EPC2: variants seen among roughly 807,000 people sequenced by gnomAD.
EPC2 encodes enhancer of polycomb homolog 2.
A neutral mutation model predicts 92.1 loss-of-function variants in EPC2; 14 were observed. The ratio of observed to expected loss-of-function variants is 0.15; its 90% CI spans 0.10 to 0.24. The LOEUF (loss-of-function observed/expected upper bound fraction) is 0.24, where lower values mean the gene tolerates loss of function less well. Ranked by LOEUF, EPC2 falls within the 10% of genes least tolerant of loss-of-function variation. The pLI is 1.00. For missense variants in EPC2, 755 were observed against 971.5 expected (o/e 0.78, Z 2.96); for synonymous variants, 340 against 334.7 (o/e 1.02, Z -0.17).
intron 2 of EPC2, among the ~76,000 whole-genome samples, chr2:148,703,498 T>C (rs1681929355): frequency 6.6e-6 from 1 of 151,882 alleles, no homozygotes; most frequent in African/African-American, 2.4e-5. Context: ...TCTTTGGGAG[T>C]GAGGCCTGAA....
chr2:148,667,692 A>C (rs762092270), intron 1 of EPC2, among the ~76,000 whole-genome samples: 1 of 152,164 alleles, frequency 6.6e-6, no homozygotes, highest in African/African-American at 2.4e-5. Context: ...ACAATATTGA[A>C]TAGAACAGTT....
In EPC2 at chr2:148,646,310, C is replaced by T. The variant is rs368048643; in HGVS notation, c.153+1140C>T. On this transcript the variant is annotated intron_variant, in intron 1 of 13. Transcript: ENST00000258484. ...ATGCCTTCGATTGGCTGGTTGAGTT[C>T]TGACCTCATTATGTTACCCTGTTAA... Among the ~76,000 whole-genome samples, 4 of 152,140 alleles carry T rather than the reference C, an allele frequency of 2.6e-5. No individual in the cohort carries two copies. The East Asian group carries it at 5.8e-4, about 22-fold the overall frequency.
At chr2:148,645,655 T>C (rs1683782760) in intron 1 of EPC2, 1 of 153,508 alleles carries the variant, frequency 6.5e-6, no homozygotes, top group Non-Finnish European at 1.5e-5. Flanking sequence ...CTCCCAGCAA[T>C]GTAATCATCC....
chr2:148,761,054 T>C (rs548810511), intron 4 of EPC2, among the ~76,000 whole-genome samples: 1 of 152,374 alleles, frequency 6.6e-6, no homozygotes, highest in East Asian at 1.9e-4. Context: ...AATAATTTTA[T>C]ATGCAAATAG....
At chr2:148,679,484 T>G (rs760955016) in intron 1 of EPC2, among the ~76,000 whole-genome samples, 1 of 152,112 alleles carries the variant, frequency 6.6e-6, no homozygotes, top group Admixed American at 6.5e-5. Context: ...CAAGGTGACA[T>G]TGTATATTTC....
chr2:148,644,956 TCCCCCCCTC>T lies in EPC2; in HGVS notation c.-58_-50del. The T allele has an allele frequency of 2.9e-6, 4 of 1,392,296 alleles. No homozygotes were observed. The highest frequency in any genetic ancestry group is 5.1e-5 in the East Asian group (2 of 39,398). 86.2% of individuals were successfully genotyped at this position (1,392,296 alleles called of 1,614,324 possible). A position where few individuals can be genotyped will look rare whatever the true frequency, so the allele number is the denominator to read the frequency against. ...GAGGTGGAGGAGGCGGCGGGAGTCC[TCCCCCCCTC>T]CCCGCCCGCCCCGCCGCCGCCGCCC... On this transcript the variant is annotated 5_prime_UTR_variant, in exon 1 of 14. Transcript: ENST00000258484.
intron 10 of EPC2, among the ~76,000 whole-genome samples, chr2:148,772,727 G>T (rs1683550984): frequency 1.3e-5 from 2 of 152,278 alleles, no homozygotes; most frequent in East Asian, 3.9e-4. Context: ...TTGAAAGAGT[G>T]CTTGAAGCTG....
chr2:148,717,996 T>C (rs113819485), intron 2 of EPC2, among the ~76,000 whole-genome samples: 178 of 152,354 alleles, frequency 1.2e-3, no homozygotes, highest in African/African-American at 4.0e-3. Context: ...CATTATGTCA[T>C]GCCCTTCGTT....
chr2:148,697,091 C>T (rs968422551), intron 2 of EPC2, among the ~76,000 whole-genome samples: 10 of 152,170 alleles, frequency 6.6e-5, no homozygotes, highest in African/African-American at 2.2e-4. Context: ...GTATTTCTCC[C>T]ATTTTAAACC....
chr2:148,647,079 C>T (rs1683818795), intron 1 of EPC2, among the ~76,000 whole-genome samples: 2 of 152,086 alleles, frequency 1.3e-5, no homozygotes, highest in South Asian at 4.1e-4. Flanking sequence ...CACTGCACTC[C>T]AGCCTGGGGG....
At chr2:148,779,607 T>A (rs1244800177) in intron 10 of EPC2, among the ~76,000 whole-genome samples, 2 of 152,192 alleles carry the variant, frequency 1.3e-5, no homozygotes, top group Non-Finnish European at 2.9e-5. Context: ...TTCTACTAAT[T>A]TAGATATATA....
At chr2:148,646,341 C>T (rs1683800661) in intron 1 of EPC2, among the ~76,000 whole-genome samples, 2 of 152,184 alleles carry the variant, frequency 1.3e-5, no homozygotes, top group African/African-American at 4.8e-5. Flanking sequence ...GTTAATACTA[C>T]TTTGCTCTTA....
intron 1 of EPC2, among the ~76,000 whole-genome samples, chr2:148,645,782 G>A (rs1322005330): frequency 1.7e-4 from 26 of 151,940 alleles, no homozygotes; most frequent in African/African-American, 2.4e-5. Flanking sequence ...CCGCCGGCCA[G>A]TTCTGCCGAC....
intron 2 of EPC2, among the ~76,000 whole-genome samples, chr2:148,724,383 T>C (rs898483976): frequency 6.6e-6 from 1 of 152,136 alleles, no homozygotes; most frequent in African/African-American, 2.4e-5. Flanking sequence ...TATCATTTCT[T>C]TGTGGGGAAC....
At chr2:148,706,186 C>T (rs925555275) in intron 2 of EPC2, among the ~76,000 whole-genome samples, 4 of 152,128 alleles carry the variant, frequency 2.6e-5, no homozygotes, top group South Asian at 2.1e-4. Context: ...AACCATGGCA[C>T]GAGAGCTTCG....
At chr2:148,746,051 G>A (rs1239700244) in intron 3 of EPC2, among the ~76,000 whole-genome samples, 1 of 151,776 alleles carries the variant, frequency 6.6e-6, no homozygotes. Context: ...TGGTTTTATT[G>A]TTTCTCATGA....
At chr2:148,737,385 T>A (rs1454012270) in intron 2 of EPC2, among the ~76,000 whole-genome samples, 2 of 152,188 alleles carry the variant, frequency 1.3e-5, no homozygotes, top group Non-Finnish European at 2.9e-5. Flanking sequence ...AGTTATTACC[T>A]CTATCCCTGC....
chr2:148,719,380 C>G (rs949593992), intron 2 of EPC2, among the ~76,000 whole-genome samples: 8 of 152,176 alleles, frequency 5.3e-5, no homozygotes, highest in African/African-American at 1.9e-4. Flanking sequence ...GTGGGCTTAT[C>G]TACCTTTGAT....
intron 2 of EPC2, among the ~76,000 whole-genome samples, chr2:148,726,604 TG>T (rs1477262905): frequency 3.9e-5 from 6 of 152,228 alleles, no homozygotes; most frequent in African/African-American, 1.4e-4. Context: ...TATATCATTG[TG>T]TTTTTTTGTT....
Sources: gnomAD v4.1 joint callset for allele counts (sites outside exome capture counted in the v4.1 genomes callset) on GRCh38, gnomAD v4.1.1 for gene constraint, MANE v1.5 for transcripts, NCBI Gene and HGNC (gene_info 2026-07-23, HGNC 2026-07-21) for gene names.